MXI1: variants seen among roughly 807,000 people sequenced by gnomAD.
MXI1 encodes MAX interactor 1, dimerization protein.
MXI1 carries 18 observed loss-of-function variants against 36.9 expected under a neutral mutation model. The ratio of observed to expected loss-of-function variants is 0.49; its 90% confidence interval spans 0.34 to 0.72. MXI1 has a LOEUF of 0.72. Ranked by LOEUF, MXI1 falls within the 30% of genes least tolerant of loss-of-function variation. MXI1 has a pLI of 0.01. For missense variants in MXI1, 304 were observed against 379.1 expected (o/e 0.80, Z 1.64); for synonymous variants, 160 against 146.7 (o/e 1.09, Z -0.65).
chr10:110,251,541 G>T (rs1856088042), intron 3 of MXI1, among the ~76,000 whole-genome samples: 1 of 152,074 alleles, frequency 6.6e-6, no homozygotes, highest in African/African-American at 2.4e-5. Flanking sequence ...CTCACTAGTG[G>T]TCTATGTGAT....
chr10:110,265,837 T>C (rs894978480), intron 3 of MXI1, among the ~76,000 whole-genome samples: 9 of 152,202 alleles, frequency 5.9e-5, no homozygotes, highest in African/African-American at 2.2e-4. Flanking sequence ...TGGTTCTCTC[T>C]TGGAGTTTGC....
intron 1 of MXI1, among the ~76,000 whole-genome samples, chr10:110,215,050 T>G (rs1356590163): frequency 2.4e-5 from 3 of 125,254 alleles, no homozygotes; most frequent in African/African-American, 7.0e-5. Context: ...TTTGTTTTTT[T>G]TTTTTTTTTG....
chr10:110,227,320 G>C, intron 1 of MXI1: 1 of 976,226 alleles, frequency 1.0e-6, no homozygotes, highest in Admixed American at 6.5e-5. Flanking sequence ...GCGGGGAGGG[G>C]CGCGCGTGCG....
chr10:110,211,973 G>A (rs1046262979), intron 1 of MXI1, among the ~76,000 whole-genome samples: 8 of 152,194 alleles, frequency 5.3e-5, no homozygotes. Flanking sequence ...TGACTAATAA[G>A]TAGAAAAAGA....
chr10:110,214,626 C>T (rs948594788), intron 1 of MXI1, among the ~76,000 whole-genome samples: 1 of 141,382 alleles, frequency 7.1e-6, no homozygotes, highest in Non-Finnish European at 1.5e-5. Context: ...TGCCTCCCTA[C>T]CCCACCCCCT....
intron 3 of MXI1, among the ~76,000 whole-genome samples, chr10:110,269,063 A>T (rs1856776329): frequency 6.6e-6 from 1 of 152,136 alleles, no homozygotes; most frequent in Non-Finnish European, 1.5e-5. Flanking sequence ...TTTTGGGAAA[A>T]TTGTTCTAAA....
chr10:110,283,378 G>A (rs113872134), intron 5 of MXI1, among the ~76,000 whole-genome samples: 7,658 of 151,446 alleles, frequency 0.051, 286 homozygotes, highest in Middle Eastern at 0.15. Context: ...TTTCTGCTGC[G>A]TCAGCCTCCC....
intron 3 of MXI1, among the ~76,000 whole-genome samples, chr10:110,254,242 C>T (rs760767431): frequency 2.6e-5 from 4 of 152,024 alleles, no homozygotes; most frequent in Non-Finnish European, 4.4e-5. Context: ...ATTATAATTT[C>T]ATACGTTACG....
chr10:110,258,421 T>G (rs1856391746), intron 3 of MXI1, among the ~76,000 whole-genome samples: 1 of 152,184 alleles, frequency 6.6e-6, no homozygotes, highest in African/African-American at 2.4e-5. Context: ...AATTTTCTTA[T>G]GAAACTCTTA....
intron 2 of MXI1, 114 bp from the exon 3 acceptor site, chr10:110,244,714 T>C (rs1855796146): frequency 1.4e-6 from 1 of 739,104 alleles, no homozygotes; most frequent in Non-Finnish European, 2.2e-6. Context: ...AGTCTGACCA[T>C]GTGTTGCATT....
chr10:110,253,121 G>A (rs1485329304), intron 3 of MXI1, among the ~76,000 whole-genome samples: 1 of 152,000 alleles, frequency 6.6e-6, no homozygotes, highest in Non-Finnish European at 1.5e-5. Flanking sequence ...ACTTGAAAAT[G>A]GTAAGCATTT....
intron 1 of MXI1, among the ~76,000 whole-genome samples, chr10:110,211,603 C>G (rs1854518031): frequency 6.6e-6 from 1 of 152,242 alleles, no homozygotes; most frequent in South Asian, 2.1e-4. Flanking sequence ...GTAGCCAGAA[C>G]TGCTTTTCGT....
chr10:110,244,929 T>C, intron 3 of MXI1, 72 bp downstream of exon 3: 1 of 1,435,386 alleles, frequency 7.0e-7, no homozygotes. Context: ...GTGAAAATAA[T>C]GTAATAGTGC....
At chr10:110,267,788 A>G (rs1856725486) in intron 3 of MXI1, among the ~76,000 whole-genome samples, 1 of 152,190 alleles carries the variant, frequency 6.6e-6, no homozygotes. Context: ...CTGCTAGCAT[A>G]TATTGGGTCA....
intron 3 of MXI1, chr10:110,257,312 G>GTTT (rs555966373): frequency 0.049 from 7,046 of 142,410 alleles, 246 homozygotes; most frequent in Middle Eastern, 0.14. Flanking sequence ...TTTTTTTTTG[G>GTTT]TTTTTTTTTT....
intron 2 of MXI1, among the ~76,000 whole-genome samples, chr10:110,236,274 T>C (rs1405220646): frequency 1.3e-5 from 2 of 151,606 alleles, no homozygotes; most frequent in Non-Finnish European, 2.9e-5. Context: ...CTTGTGAGCC[T>C]TATTTCTGGA....
chr10:110,207,738 C>G lies in MXI1; in HGVS notation c.-71C>G. 9.5e-7 allele frequency: 1 copy of G among 1,051,292 alleles called. No individual in the cohort carries two copies. Among genetic ancestry groups the G allele is most frequent in the African/African-American group, 1.7e-5 (1 of 58,672 alleles). 65.1% of individuals were successfully genotyped at this position (1,051,292 alleles called of 1,614,324 possible). On this transcript the variant is annotated 5_prime_UTR_variant, in exon 1 of 6. Coordinates refer to ENST00000332674, the MANE Select transcript of MXI1 (RefSeq NM_130439.3). ...CTCTGCTCCAGCCGGCCGGGTCTCC[C>G]TGGGGGCCCGGAGCTCGGCCGGGCC... is the stretch of plus-strand genomic sequence containing the variant.
rs1373954633 is a variant in MXI1, at chr10:110,285,056, A to C, written c.*69A>C. 1 of 1,451,044 alleles carries C rather than the reference A, an allele frequency of 6.9e-7. No homozygotes were observed. The highest frequency in any genetic ancestry group is 1.4e-5 in the African/African-American group (1 of 69,728). 89.9% of individuals were successfully genotyped at this position (1,451,044 alleles called of 1,614,324 possible). On this transcript the variant is annotated 3_prime_UTR_variant, in exon 6 of 6. Coordinates refer to ENST00000332674, the MANE Select transcript of MXI1 (RefSeq NM_130439.3). ...CCAATTCAATACAAACAATCTCTTAAATTGGGTTCATGATGCAGTCTCCTC... is the reference window on the plus strand; with the variant it reads ...CCAATTCAATACAAACAATCTCTTACATTGGGTTCATGATGCAGTCTCCTC...
intron 5 of MXI1, among the ~76,000 whole-genome samples, chr10:110,282,669 T>C (rs1857297380): frequency 2.6e-5 from 4 of 152,138 alleles, no homozygotes; most frequent in Non-Finnish European, 5.9e-5. Context: ...TTTTTTTTAG[T>C]GTTCCCAGTG....
Sources: gnomAD v4.1 joint callset for allele counts (sites outside exome capture counted in the v4.1 genomes callset) on GRCh38, gnomAD v4.1.1 for gene constraint, MANE v1.5 for transcripts, NCBI Gene and HGNC (gene_info 2026-07-23, HGNC 2026-07-21) for gene names.